KLF11: variants seen among roughly 807,000 people sequenced by gnomAD.
The protein encoded by KLF11 is KLF transcription factor 11, also known as Krueppel-like factor 11.
KLF11 carries 26 observed loss-of-function variants against 29.9 expected under a neutral mutation model. The observed-to-expected ratio is 0.87, with a 90% CI of 0.64 to 1.21. The LOEUF is 1.21. Ranked by LOEUF, KLF11 falls within the 50% of genes most tolerant of loss-of-function variation. The probability of loss-of-function intolerance (pLI) is 0.00; values close to 1 mark genes in which losing one functional copy is unlikely to be tolerated. For synonymous variants in KLF11, 318 were observed against 257.4 expected (o/e 1.24, Z -2.25); for missense variants, 778 against 665.7 (o/e 1.17, Z -1.86).
chr2:10,051,099 G>A (rs971343134), intron 3 of KLF11, among the ~76,000 whole-genome samples: 3 of 151,212 alleles, frequency 2.0e-5, no homozygotes, highest in Admixed American at 6.6e-5. Flanking sequence ...TAGTAGATAC[G>A]GGGTTTCACC....
chr2:10,052,471 G>A lies in KLF11; in HGVS notation c.1503G>A (p.Pro501=), dbSNP rs36091043. ...ACAGAATCGCCTCTGCAGAGAGCCC[G>A]GGGAGCCCACTGGTGAGCATGCCAG... ...KLNRIASAES[P]GSPLVSMPAS... is the part of the protein sequence containing the mutation. Residue 501 remains proline, a synonymous_variant, in exon 4 of 4, where the codon CCG becomes CCA. Transcript: ENST00000305883. The A allele has an allele frequency of 1.3e-4, 207 of 1,613,996 alleles. No individual in the cohort carries two copies. The African/African-American group carries it at 1.3e-3, about 10-fold the overall frequency.
chr2:10,048,272 G>A lies in KLF11; in HGVS notation c.935G>A (p.Gly312Glu). The A allele has an allele frequency of 2.5e-6, 4 of 1,607,594 alleles. No homozygotes were observed. The highest frequency in any genetic ancestry group is 3.4e-6 in the Non-Finnish European group (4 of 1,176,066). ...AAGCCCCCTCCCCAGTTGTCTGTGG[G>A]GACTGTGAGACCCATCCTAGCTCAG... ...FLKPPPQLSV[G>E]TVRPILAQAA... is the part of the protein sequence containing the mutation. The change falls in exon 3 of 4, where the codon GGG becomes GAG. Residue 312 changes from glycine to glutamate, a missense_variant. Gly to Glu is a moderately conservative substitution (Grantham distance 98, BLOSUM62 -2). Coordinates refer to ENST00000305883, the MANE Select transcript of KLF11 (RefSeq NM_003597.5).
Position 10,054,743 on chromosome 2 carries a change from ATTATGTT to A in KLF11, c.*2243_*2249del, listed in dbSNP as rs1333236370. 3 of 152,638 alleles carry A rather than the reference ATTATGTT, an allele frequency of 2.0e-5. No homozygotes were observed. 9.5% of individuals were successfully genotyped at this position (152,638 alleles called of 1,614,324 possible). A position where few individuals can be genotyped will look rare whatever the true frequency, so the allele number is the denominator to read the frequency against. ...ATGATAAGACTTAAAATGTTTCATA[ATTATGTT>A]TTATGTAACAGACTTTGACATTATT... On this transcript the variant is annotated 3_prime_UTR_variant, in exon 4 of 4. Transcript: ENST00000305883.
rs948093886 is a variant in KLF11, at chr2:10,043,886, C to T, written c.42+128C>T. On this transcript the variant is annotated intron_variant, in intron 1 of 3. Coordinates refer to ENST00000305883, the MANE Select transcript of KLF11 (RefSeq NM_003597.5). ...GTGCAGGGCTTCGCTGCGGCCGCGC[C>T]GGTAGGGGCCTGGGCGGGCTCCGGA... The T allele has an allele frequency of 1.1e-5, 12 of 1,064,650 alleles. No homozygotes were observed. In the South Asian group the frequency reaches 2.0e-4, roughly 18 times the overall value. 66.0% of individuals were successfully genotyped at this position (1,064,650 alleles called of 1,614,324 possible).
Position 10,052,910 on chromosome 2 carries a change from C to G in KLF11, c.*403C>G. On this transcript the variant is annotated 3_prime_UTR_variant, in exon 4 of 4. Transcript: ENST00000305883. Reference sequence around the variant, plus strand: ...GAAAAATATTTATATTGTTGGTGCTCAAATCACCAATTTCTAGCTAGATCA... The same window carrying G: ...GAAAAATATTTATATTGTTGGTGCTGAAATCACCAATTTCTAGCTAGATCA... 1 of 322,436 alleles carries G rather than the reference C, an allele frequency of 3.1e-6. No individual in the cohort carries two copies. The highest frequency in any genetic ancestry group is 9.6e-5 in the South Asian group (1 of 10,370). 20.0% of individuals were successfully genotyped at this position (322,436 alleles called of 1,614,324 possible). A position where few individuals can be genotyped will look rare whatever the true frequency, so the allele number is the denominator to read the frequency against.
Position 10,053,532 on chromosome 2 carries a change from T to C in KLF11, c.*1025T>C, listed in dbSNP as rs960911082. On this transcript the variant is annotated 3_prime_UTR_variant, in exon 4 of 4. Transcript: ENST00000305883. ...AGAGCACAGCTTAGCTGGGGCGAGA[T>C]GCATGTGAAGGCAGGCAGTGCCAAG... The C allele has an allele frequency of 5.0e-6, 2 of 398,122 alleles. No homozygotes were observed. The highest frequency in any genetic ancestry group is 3.6e-5 in the East Asian group (1 of 28,080). The allele number at this position is 398,122 out of a possible 1,614,324, so 24.7% of individuals were successfully genotyped here.
At position 10,047,867 on chromosome 2, in the gene KLF11, G is replaced by A. The variant is rs140504133; in HGVS notation, c.530G>A (p.Arg177Gln). The stretch of plus-strand genomic sequence containing the variant: ...AGGGCCAAGGGGACTAGCGTGATCC[G>A]ACACACTGGGGAGAGCCCTGCTGCC... Reference protein sequence around the residue: ...PCRAKGTSVIRHTGESPAACF... With the variant: ...PCRAKGTSVIQHTGESPAACF... The change falls in exon 3 of 4, where the codon CGA (arginine) becomes CAA (glutamine). Residue 177 changes from arginine (R) to glutamine (Q), a missense_variant. Transcript: ENST00000305883. The A allele has an allele frequency of 1.1e-5, 17 of 1,613,622 alleles. No homozygotes were observed. The highest frequency in any genetic ancestry group is 1.6e-4 in the Middle Eastern group (1 of 6,084).
Position 10,047,699 on chromosome 2 carries a change from C to T in KLF11, c.362C>T (p.Thr121Ile), listed in dbSNP as rs1330289754. 3 of 1,613,482 alleles carry T rather than the reference C, an allele frequency of 1.9e-6. No individual in the cohort carries two copies. Among genetic ancestry groups the T allele is most frequent in the Middle Eastern group, 1.6e-4 (1 of 6,062 alleles). Residue 121 changes from threonine to isoleucine, a missense_variant, in exon 3 of 4, where the codon ACA becomes ATA. By Grantham distance (89) the Thr-to-Ile change is moderately conservative. Coordinates refer to ENST00000305883, the MANE Select transcript of KLF11 (RefSeq NM_003597.5). The stretch of plus-strand genomic sequence containing the variant: ...GATCTCGTGGAGCCATCGACAAGGA[C>T]ACCTGTTTCTCCCCAAGTAACAGAT... The part of the protein sequence containing the change: ...SPDLVEPSTR[T>I]PVSPQVTDSK...
rs372406415 is a variant in KLF11, at chr2:10,046,780, G to T, written c.312+361G>T. Among the ~76,000 whole-genome samples the T allele has an allele frequency of 2.6e-5, 4 of 152,262 alleles. No homozygotes were observed. The East Asian group carries it at 7.7e-4, about 29-fold the overall frequency. On this transcript the variant is annotated intron_variant, in intron 2 of 3. Coordinates refer to ENST00000305883, the MANE Select transcript of KLF11 (RefSeq NM_003597.5). ...TGAGGTAGGAGAATCGCTTGAACCCGGGAGGCGGAGGTTGCAGTGAGCCGA... is the reference window on the plus strand; with the variant it reads ...TGAGGTAGGAGAATCGCTTGAACCCTGGAGGCGGAGGTTGCAGTGAGCCGA...
chr2:10,047,602 C>G lies in KLF11; in HGVS notation c.313-48C>G, dbSNP rs1307967370. On this transcript the variant is annotated intron_variant, in intron 2 of 3. Transcript: ENST00000305883. ...TGGGAGCATTGTGATGAATTAAATC[C>G]CTTTTAAAATTTAAAGCAACCTTTT... The G allele has an allele frequency of 4.8e-6, 7 of 1,461,426 alleles. No individual in the cohort carries two copies. In the Admixed American group the frequency reaches 1.2e-4, roughly 25 times the overall value. The allele number at this position is 1,461,426 out of a possible 1,614,324, so 90.5% of individuals were successfully genotyped here. A position where few individuals can be genotyped will look rare whatever the true frequency, so the allele number is the denominator to read the frequency against.
In KLF11 at chr2:10,048,145, A is replaced by T; in HGVS notation, c.808A>T (p.Arg270Trp). 2 of 1,614,222 alleles carry T rather than the reference A, an allele frequency of 1.2e-6. No individual in the cohort carries two copies. The change falls in exon 3 of 4, where the codon AGG becomes TGG. Residue 270 changes from arginine to tryptophan, a missense_variant. Coordinates refer to ENST00000305883, the MANE Select transcript of KLF11 (RefSeq NM_003597.5). ...SPKNYENDLPRKTTPLISVSV... is the reference protein window; with the variant it reads ...SPKNYENDLPWKTTPLISVSV... ...AAAGAATTATGAAAATGACCTGCCC[A>T]GGAAAACCACCCCTCTGATTTCTGT... is the stretch of plus-strand genomic sequence containing the variant.
rs1051334448 is a variant in KLF11 at position 10,048,301 on chromosome 2, G to A, written c.964G>A (p.Ala322Thr). The change falls in exon 3 of 4, where the codon GCT becomes ACT. Residue 322 changes from alanine (A) to threonine (T), a missense_variant. Coordinates refer to ENST00000305883, the MANE Select transcript of KLF11 (RefSeq NM_003597.5). The part of the protein sequence containing the change: ...GTVRPILAQA[A>T]PAPQPVFVGP... ...TGTGAGACCCATCCTAGCTCAGGCT[G>A]CTCCAGCGCCTCAACCTGTGTTCGT... 1 of 1,600,060 alleles carries A rather than the reference G, an allele frequency of 6.2e-7. No individual in the cohort carries two copies. Among genetic ancestry groups the A allele is most frequent in the South Asian group, 1.1e-5 (1 of 89,014 alleles).
chr2:10,046,773 T>C (rs994796820), intron 2 of KLF11, among the ~76,000 whole-genome samples: 1 of 152,094 alleles, frequency 6.6e-6, no homozygotes, highest in Non-Finnish European at 1.5e-5. Flanking sequence ...GAGAATCGCT[T>C]GAACCCGGGA....
rs773276131 is a variant in KLF11 at position 10,052,391 on chromosome 2, C to A, written c.1423C>A (p.Arg475Ser). ...RSDHLTKHAR[R>S]HMTTKKIPGW... ...TGACCACCTGACGAAGCATGCCCGG[C>A]GCCACATGACGACCAAGAAGATCCC... Residue 475 changes from arginine (R) to serine (S), a missense_variant, in exon 4 of 4, where the codon CGC (arginine) becomes AGC (serine). Physicochemically the swap from Arg to Ser is moderately radical, Grantham distance 110. Coordinates refer to ENST00000305883, the MANE Select transcript of KLF11 (RefSeq NM_003597.5). 2 of 1,613,986 alleles carry A rather than the reference C, an allele frequency of 1.2e-6. No homozygotes were observed. The highest frequency in any genetic ancestry group is 3.3e-5 in the Admixed American group (2 of 59,992).
chr2:10,044,790 T>C (rs549217746), intron 1 of KLF11, among the ~76,000 whole-genome samples: 1 of 152,012 alleles, frequency 6.6e-6, no homozygotes, highest in Admixed American at 6.5e-5. Context: ...CGCCCCCGGC[T>C]TAGTTTTCTT....
rs1417452619 is a variant in KLF11 at position 10,052,877 on chromosome 2, G to T, written c.*370G>T. On this transcript the variant is annotated 3_prime_UTR_variant, in exon 4 of 4. Transcript: ENST00000305883. ...AAGACAGGGTACTAATTTTTATACTGGTTTTTAGAAAAATATTTATATTGT... is the reference window on the plus strand; with the variant it reads ...AAGACAGGGTACTAATTTTTATACTTGTTTTTAGAAAAATATTTATATTGT... 9.4e-6 allele frequency: 3 copies of T among 317,740 alleles called. No homozygotes were observed. Among genetic ancestry groups the T allele is most frequent in the South Asian group, 8.7e-5 (1 of 11,528 alleles). The allele number at this position is 317,740 out of a possible 1,614,324, so 19.7% of individuals were successfully genotyped here. A position where few individuals can be genotyped will look rare whatever the true frequency, so the allele number is the denominator to read the frequency against.
intron 3 of KLF11, among the ~76,000 whole-genome samples, chr2:10,051,192 G>T (rs554250530): frequency 6.6e-6 from 1 of 151,512 alleles, no homozygotes; most frequent in South Asian, 2.1e-4. Flanking sequence ...ACAGGTGTGA[G>T]CCACCATGCC....
chr2:10,043,642 C>T lies in KLF11; in HGVS notation c.-75C>T, dbSNP rs1311804675. On this transcript the variant is annotated 5_prime_UTR_variant, in exon 1 of 4. Coordinates refer to ENST00000305883, the MANE Select transcript of KLF11 (RefSeq NM_003597.5). ...GGGTTGCCGCCGCCGCCGCCGCCCG[C>T]AGCCCACGTGCGGCCGCTGCTGCGC... 75 of 1,052,648 alleles carry T rather than the reference C, an allele frequency of 7.1e-5. No individual in the cohort carries two copies. Among genetic ancestry groups the T allele is most frequent in the Non-Finnish European group, 8.4e-5 (72 of 861,512 alleles). The allele number at this position is 1,052,648 out of a possible 1,614,324, so 65.2% of individuals were successfully genotyped here.
chr2:10,047,410 A>T (rs1334367073), intron 2 of KLF11, among the ~76,000 whole-genome samples: 2 of 152,224 alleles, frequency 1.3e-5, no homozygotes, highest in African/African-American at 4.8e-5. Context: ...CCTGGCGGCC[A>T]GGAGCTCCTC....
Sources: allele counts gnomAD v4.1 joint callset (sites outside exome capture counted in the v4.1 genomes callset), GRCh38; gene constraint gnomAD v4.1.1; transcripts MANE v1.5; gene names NCBI Gene and HGNC (gene_info 2026-07-23, HGNC 2026-07-21).